The following COL23A1 variants were observed in gnomAD, a reference collection of about 807,000 sequenced individuals.
COL23A1 encodes the protein collagen type XXIII alpha 1 chain.
In COL23A1, 97 loss-of-function variants were observed where a neutral mutation model predicts 99.3. The ratio of observed to expected loss-of-function variants is 0.98; its 90% CI spans 0.83 to 1.16. COL23A1 has a LOEUF of 1.16. Among genes scored for constraint, COL23A1 ranks in the 50% most tolerant of loss-of-function variants. The pLI is 0.00. For missense variants in COL23A1, 762 were observed against 757.4 expected (o/e 1.01, Z -0.07); for synonymous variants, 320 against 308.2 (o/e 1.04, Z -0.40).
At position 178,544,774 on chromosome 5, in the gene COL23A1, G is replaced by A. The variant is rs548900236; in HGVS notation, c.361+15908C>T. ...TGCCCCCGTGCCACTGGGGTAGTACGTTCGGGCCAGACGTGGTGGCTCATA... is the reference window on the plus strand; with the variant it reads ...TGCCCCCGTGCCACTGGGGTAGTACATTCGGGCCAGACGTGGTGGCTCATA... On this transcript the variant is annotated intron_variant, in intron 2 of 28. Coordinates refer to ENST00000390654, the MANE Select transcript of COL23A1 (RefSeq NM_173465.4). The surrounding 1 kb of genome is among the most constrained non-coding windows in gnomAD (Gnocchi z 4.4). Among the ~76,000 whole-genome samples the A allele has an allele frequency of 2.6e-5, 4 of 152,280 alleles. No homozygotes were observed. The highest frequency in any genetic ancestry group is 7.2e-5 in the African/African-American group (3 of 41,566).
Position 178,308,827 on chromosome 5 carries a change from CG to C in COL23A1, c.362-1909del, listed in dbSNP as rs34368322. On this transcript the variant is annotated intron_variant, in intron 2 of 28. Transcript: ENST00000390654. The surrounding 1 kb of genome is among the most constrained non-coding windows in gnomAD (Gnocchi z 5.1). Reference sequence around the variant, plus strand: ...GGTTTGGGGGGCAGGTCAGCACTCTCGGGGGGGGCTTTCCTCCTCTCTGGGC... The same window carrying C: ...GGTTTGGGGGGCAGGTCAGCACTCTCGGGGGGGCTTTCCTCCTCTCTGGGC... 0.69 allele frequency among the ~76,000 whole-genome samples: 104,135 copies of C among 151,044 alleles called. 36,619 individuals are homozygous for C. The highest frequency in any genetic ancestry group is 0.75 in the Non-Finnish European group (50,695 of 67,836).
chr5:178,522,560 G>A lies in COL23A1; in HGVS notation c.361+38122C>T, dbSNP rs115870823. On this transcript the variant is annotated intron_variant, in intron 2 of 28. Coordinates refer to ENST00000390654, the MANE Select transcript of COL23A1 (RefSeq NM_173465.4). Reference sequence around the variant, plus strand: ...AACTGTGCCTGCCCGAGATTGTGACGAGCCGGTGGTCAGCACATGTAATGA... The same window carrying A: ...AACTGTGCCTGCCCGAGATTGTGACAAGCCGGTGGTCAGCACATGTAATGA... 7.6e-3 allele frequency among the ~76,000 whole-genome samples: 1,159 copies of A among 152,238 alleles called. 17 individuals carry two copies. The highest frequency in any genetic ancestry group is 0.027 in the African/African-American group (1,109 of 41,530).
intron 1 of COL23A1, among the ~76,000 whole-genome samples, chr5:178,572,227 A>G (rs1016626676): frequency 6.6e-6 from 1 of 152,160 alleles, no homozygotes; most frequent in African/African-American, 2.4e-5. Context: ...AAATGAACAC[A>G]CAGAGAATTA....
intron 2 of COL23A1, among the ~76,000 whole-genome samples, chr5:178,331,919 G>A (rs1221235986): frequency 6.6e-6 from 1 of 152,228 alleles, no homozygotes; most frequent in African/African-American, 2.4e-5. Flanking sequence ...AAAGCCACTT[G>A]GCTAGAGGGT....
At chr5:178,282,183 A>G (rs1384885904) in intron 5 of COL23A1, among the ~76,000 whole-genome samples, 1 of 152,200 alleles carries the variant, frequency 6.6e-6, no homozygotes, top group African/African-American at 2.4e-5. Flanking sequence ...CCAGGGGAAG[A>G]TTTAGAAATT....
chr5:178,329,590 C>T (rs146061000), intron 2 of COL23A1, among the ~76,000 whole-genome samples: 58 of 152,328 alleles, frequency 3.8e-4, no homozygotes, highest in African/African-American at 1.2e-3. Context: ...TCACACCTGT[C>T]CCCTCAAGAT....
intron 2 of COL23A1, among the ~76,000 whole-genome samples, chr5:178,356,726 C>T: frequency 6.6e-6 from 1 of 152,170 alleles, no homozygotes. Flanking sequence ...GGAGGAGGCA[C>T]GCGCCAAACC....
At chr5:178,352,539 A>C (rs1761389114) in intron 2 of COL23A1, among the ~76,000 whole-genome samples, 1 of 152,206 alleles carries the variant, frequency 6.6e-6, no homozygotes, top group African/African-American at 2.4e-5. Context: ...ACAATAGATA[A>C]AATATAGAAG....
At chr5:178,569,335 C>T (rs932303677) in intron 1 of COL23A1, among the ~76,000 whole-genome samples, 11 of 152,136 alleles carry the variant, frequency 7.2e-5, no homozygotes, top group Non-Finnish European at 1.3e-4. Flanking sequence ...TATTTTCTCA[C>T]GTAAATTCTT....
chr5:178,350,178 G>A (rs903967402), intron 2 of COL23A1, among the ~76,000 whole-genome samples: 1 of 152,144 alleles, frequency 6.6e-6, no homozygotes, highest in Admixed American at 6.5e-5. Context: ...TCCTCGGGCC[G>A]AGCACCCATG....
Position 178,238,590 on chromosome 5 carries a change from C to A in COL23A1, c.*108G>T. 11 of 1,443,566 alleles carry A rather than the reference C, an allele frequency of 7.6e-6. No homozygotes were observed. The highest frequency in any genetic ancestry group is 2.3e-5 in the East Asian group (1 of 43,816). The allele number at this position is 1,443,566 out of a possible 1,614,324, so 89.4% of individuals were successfully genotyped here. A position where few individuals can be genotyped will look rare whatever the true frequency, so the allele number is the denominator to read the frequency against. On this transcript the variant is annotated 3_prime_UTR_variant, in exon 29 of 29. Transcript: ENST00000390654. ...GGGCATACTCTTGAATGTTAAAAGG[C>A]CACAGGTAGCGCATTCCATGAAAAA... is the stretch of plus-strand genomic sequence containing the variant.
At chr5:178,377,891 T>C (rs75137069) in intron 2 of COL23A1, 1,735 of 152,280 alleles carry the variant, frequency 0.011, 27 homozygotes, top group African/African-American at 0.04. Flanking sequence ...CAGGGGTCAT[T>C]GGGAGAAGGG....
intron 2 of COL23A1, among the ~76,000 whole-genome samples, chr5:178,426,781 G>A (rs528920639): frequency 5.9e-5 from 9 of 152,290 alleles, no homozygotes; most frequent in South Asian, 2.1e-4. Context: ...ATAAGAACGC[G>A]AACAGCCCCG....
intron 19 of COL23A1, 48 bp from the exon 20 acceptor site, chr5:178,248,302 T>A: frequency 1.4e-6 from 2 of 1,451,254 alleles, no homozygotes; most frequent in Non-Finnish European, 1.9e-6. Context: ...AGCACCTGTA[T>A]CACCACCCAC....
Position 178,428,859 on chromosome 5 carries a change from C to G in COL23A1, c.362-121940G>C, listed in dbSNP as rs1766091324. 6.6e-6 allele frequency among the ~76,000 whole-genome samples: 1 copy of G among 152,142 alleles called. No homozygotes were observed. Among genetic ancestry groups the G allele is most frequent in the African/African-American group, 2.4e-5 (1 of 41,422 alleles). ...AAGCAACTCTGCCCCTGGAGTGGTG[C>G]CTCGTGGGGGTGGGGGCAGGGCTGC... is the stretch of plus-strand genomic sequence containing the variant. On this transcript the variant is annotated intron_variant, in intron 2 of 28. Coordinates refer to ENST00000390654, the MANE Select transcript of COL23A1 (RefSeq NM_173465.4). The surrounding 1 kb of genome is among the most constrained non-coding windows in gnomAD (Gnocchi z 5.0).
intron 2 of COL23A1, among the ~76,000 whole-genome samples, chr5:178,555,723 A>G (rs1762235589): frequency 1.3e-5 from 2 of 152,196 alleles, no homozygotes; most frequent in African/African-American, 4.8e-5. Context: ...GCAGTTATTT[A>G]CAAGGCGGAG....
chr5:178,360,154 C>T (rs1762098835), intron 2 of COL23A1, among the ~76,000 whole-genome samples: 1 of 152,140 alleles, frequency 6.6e-6, no homozygotes, highest in Non-Finnish European at 1.5e-5. Context: ...GCCTCTCCTG[C>T]CCAGAAGTGG....
chr5:178,326,820 A>T (rs554161571), intron 2 of COL23A1, among the ~76,000 whole-genome samples: 1 of 152,352 alleles, frequency 6.6e-6, no homozygotes, highest in Non-Finnish European at 1.5e-5. Context: ...CCTGGGTTCA[A>T]GCAATTCTCC....
chr5:178,337,403 C>T (rs1760398147), intron 2 of COL23A1, among the ~76,000 whole-genome samples: 1 of 152,242 alleles, frequency 6.6e-6, no homozygotes, highest in South Asian at 2.1e-4. Context: ...TGGCACAGTC[C>T]AGACGTCACC....
Sources: allele counts gnomAD v4.1 joint callset (sites outside exome capture counted in the v4.1 genomes callset), GRCh38; gene constraint gnomAD v4.1.1; non-coding constraint Gnocchi (gnomAD v3.1); transcripts MANE v1.5; gene names NCBI Gene and HGNC (gene_info 2026-07-23, HGNC 2026-07-21).